The following LAMA2 variants were observed in gnomAD, a reference collection of about 807,000 sequenced individuals.
LAMA2 encodes laminin subunit alpha-2.
A neutral mutation model predicts 364.8 loss-of-function variants in LAMA2; 269 were observed. The observed-to-expected ratio is 0.74, with a 90% CI of 0.67 to 0.82. LAMA2 has a LOEUF of 0.82. LAMA2 is among the 40% of genes least tolerant of loss of function. The pLI, the probability that LAMA2 is intolerant of heterozygous loss-of-function variation, is 0.00. For missense variants in LAMA2, 3,807 were observed against 3,873.2 expected, an observed-to-expected ratio of 0.98 and a Z score of 0.45; for synonymous variants, 1,379 against 1,370.6, an observed-to-expected ratio of 1.01 and a Z score of -0.14.
chr6:129,237,698 T>A (rs1456422742), intron 12 of LAMA2, among the ~76,000 whole-genome samples: 2 of 152,166 alleles, frequency 1.3e-5, no homozygotes, highest in African/African-American at 4.8e-5. Context: ...GTGAAACTGC[T>A]ATGTCAAAGT....
chr6:129,071,023 C>G (rs1773274802), intron 3 of LAMA2, among the ~76,000 whole-genome samples: 1 of 152,178 alleles, frequency 6.6e-6, no homozygotes, highest in South Asian at 2.1e-4. Context: ...AGTATTCTAA[C>G]TTGTATTCAC....
At chr6:128,966,451 G>T (rs925245119) in intron 1 of LAMA2, among the ~76,000 whole-genome samples, 1 of 151,868 alleles carries the variant, frequency 6.6e-6, no homozygotes, top group Non-Finnish European at 1.5e-5. Context: ...TTATACGCAG[G>T]TCCCTTAAAA....
At chr6:129,359,436 GTCT>G (rs1422118738) in intron 32 of LAMA2, among the ~76,000 whole-genome samples, 4 of 151,568 alleles carry the variant, frequency 2.6e-5, no homozygotes, top group Admixed American at 6.6e-5. Context: ...AGGTTAAAAG[GTCT>G]TCTTAATGAC....
At chr6:129,023,876 A>G (rs1435953245) in intron 1 of LAMA2, among the ~76,000 whole-genome samples, 1 of 152,192 alleles carries the variant, frequency 6.6e-6, no homozygotes, top group African/African-American at 2.4e-5. Flanking sequence ...TTAGCTCATT[A>G]GGTACCAATT....
chr6:128,889,072 A>G (rs1776303428), intron 1 of LAMA2, among the ~76,000 whole-genome samples: 1 of 152,214 alleles, frequency 6.6e-6, no homozygotes, highest in African/African-American at 2.4e-5. Context: ...TATTCAAAAT[A>G]TATCAGTACC....
intron 45 of LAMA2, among the ~76,000 whole-genome samples, chr6:129,451,301 A>C (rs1782662730): frequency 6.6e-6 from 1 of 152,152 alleles, no homozygotes; most frequent in Non-Finnish European, 1.5e-5. Context: ...CCAACTGAAA[A>C]CCACCCTATC....
At chr6:129,035,559 ATTAGTC>A (rs1412847794) in intron 1 of LAMA2, among the ~76,000 whole-genome samples, 3 of 142,600 alleles carry the variant, frequency 2.1e-5, no homozygotes, top group Admixed American at 1.5e-4. Context: ...TGCTTTTGCA[ATTAGTC>A]TTAGTCATTA....
At position 129,473,257 on chromosome 6, in the gene LAMA2, T is replaced by C. The variant is rs199931560; in HGVS notation, c.7344T>C (p.Asn2448=). Residue 2448 remains asparagine, a synonymous_variant, in exon 52 of 65, where the codon AAT becomes AAC. Coordinates refer to ENST00000421865, the MANE Select transcript of LAMA2 (RefSeq NM_000426.4). ...ATATAGATACTAATCAGGAGGAGAATATAGCAACTTCGTCTTCTGGAAACA... is the reference window on the plus strand; with the variant it reads ...ATATAGATACTAATCAGGAGGAGAACATAGCAACTTCGTCTTCTGGAAACA... ...IVDIDTNQEE[N]IATSSSGNNF... The C allele has an allele frequency of 5.3e-5, 85 of 1,606,866 alleles. No individual in the cohort carries two copies. The East Asian group carries it at 1.4e-3, about 26-fold the overall frequency.
At chr6:129,480,265 G>T (rs1030953078) in intron 54 of LAMA2, among the ~76,000 whole-genome samples, 1 of 152,132 alleles carries the variant, frequency 6.6e-6, no homozygotes, top group Non-Finnish European at 1.5e-5. Context: ...GAGGAAAATA[G>T]CCTACATTAA....
chr6:129,027,686 TGAAA>T (rs1376401911), intron 1 of LAMA2, among the ~76,000 whole-genome samples: 1 of 151,814 alleles, frequency 6.6e-6, no homozygotes, highest in Non-Finnish European at 1.5e-5. Flanking sequence ...GAGCTAATCT[TGAAA>T]GAAATACTAA....
chr6:129,473,964 G>A (rs902965224), intron 52 of LAMA2, among the ~76,000 whole-genome samples: 6 of 151,824 alleles, frequency 4.0e-5, no homozygotes, highest in Non-Finnish European at 7.4e-5. Flanking sequence ...AAATACTCAC[G>A]TGCTGTGTAG....
At chr6:129,030,858 G>A (rs1383527219) in intron 1 of LAMA2, among the ~76,000 whole-genome samples, 1 of 151,960 alleles carries the variant, frequency 6.6e-6, no homozygotes, top group Admixed American at 6.6e-5. Context: ...GACTCTAATT[G>A]TCTCTGAAAA....
At chr6:129,213,666 A>G (rs1783243280) in intron 12 of LAMA2, among the ~76,000 whole-genome samples, 1 of 152,184 alleles carries the variant, frequency 6.6e-6, no homozygotes, top group Admixed American at 6.5e-5. Flanking sequence ...TTCCATCTGT[A>G]TATAAGCTTT....
intron 3 of LAMA2, among the ~76,000 whole-genome samples, chr6:129,083,870 A>G (rs1774215223): frequency 6.6e-6 from 1 of 152,170 alleles, no homozygotes; most frequent in Admixed American, 6.6e-5. Context: ...TAGGTATTTC[A>G]CATGTATTAT....
intron 12 of LAMA2, among the ~76,000 whole-genome samples, chr6:129,223,724 C>T (rs566715596): frequency 2.0e-5 from 3 of 152,278 alleles, no homozygotes; most frequent in East Asian, 3.9e-4. Context: ...GTACCAGTAC[C>T]ATGCTGTTTT....
At chr6:129,253,884 C>T (rs1424868541) in intron 14 of LAMA2, among the ~76,000 whole-genome samples, 1 of 152,168 alleles carries the variant, frequency 6.6e-6, no homozygotes, top group East Asian at 1.9e-4. Flanking sequence ...GACACAAGAG[C>T]TAATCCAAGT....
chr6:129,265,554 G>A (rs981837909), intron 15 of LAMA2, among the ~76,000 whole-genome samples: 1 of 151,958 alleles, frequency 6.6e-6, no homozygotes, highest in African/African-American at 2.4e-5. Flanking sequence ...AATGAATCTA[G>A]GGAGGCAAAA....
At chr6:129,463,510 C>T (rs1212653880) in intron 49 of LAMA2, among the ~76,000 whole-genome samples, 1 of 151,880 alleles carries the variant, frequency 6.6e-6, no homozygotes, top group Non-Finnish European at 1.5e-5. Flanking sequence ...TCCACAATCG[C>T]AGTAACATCA....
intron 4 of LAMA2, among the ~76,000 whole-genome samples, chr6:129,109,443 A>G (rs1275981705): frequency 6.6e-6 from 1 of 152,086 alleles, no homozygotes; most frequent in Non-Finnish European, 1.5e-5. Context: ...GACATAGTTG[A>G]GATCCATTAT....
Sources: allele counts gnomAD v4.1 joint callset (sites outside exome capture counted in the v4.1 genomes callset), GRCh38; gene constraint gnomAD v4.1.1; transcripts MANE v1.5; gene names NCBI Gene and HGNC (gene_info 2026-07-23, HGNC 2026-07-21).